CLSTN2: variants seen among roughly 807,000 people sequenced by gnomAD.
CLSTN2 encodes calsyntenin 2.
Under a neutral mutation model 101.2 loss-of-function variants are expected in CLSTN2, and 48 were observed. The observed-to-expected ratio is 0.47, with a 90% CI of 0.38 to 0.60. CLSTN2 has a LOEUF of 0.60. Among genes scored for constraint, CLSTN2 ranks in the 20% least tolerant of loss-of-function variants. The pLI is 0.00. For synonymous variants in CLSTN2, 481 were observed against 463.6 expected (o/e 1.04, Z -0.48); for missense variants, 1,160 against 1,238.2 (o/e 0.94, Z 0.95).
chr3:140,162,517 C>T lies in CLSTN2; in HGVS notation c.110-13434C>T, dbSNP rs550518403. Among the ~76,000 whole-genome samples the T allele has an allele frequency of 2.0e-4, 30 of 152,210 alleles. No individual in the cohort carries two copies. In the South Asian group the frequency reaches 6.0e-3, roughly 31 times the overall value. On this transcript the variant is annotated intron_variant, in intron 1 of 16. Coordinates refer to ENST00000458420, the MANE Select transcript of CLSTN2 (RefSeq NM_022131.3). ...TGAACTGAGCAGGCAGGAATGCAGACATGTGGATGCAAATAAAAGCAAATT... is the reference window on the plus strand; with the variant it reads ...TGAACTGAGCAGGCAGGAATGCAGATATGTGGATGCAAATAAAAGCAAATT...
At chr3:140,100,559 A>T (rs1393035775) in intron 1 of CLSTN2, among the ~76,000 whole-genome samples, 1 of 152,248 alleles carries the variant, frequency 6.6e-6, no homozygotes, top group Non-Finnish European at 1.5e-5. Flanking sequence ...TGACTTGGTG[A>T]TAGAAAAATG....
intron 1 of CLSTN2, among the ~76,000 whole-genome samples, chr3:139,993,102 A>T (rs1054160017): frequency 6.6e-6 from 1 of 152,042 alleles, no homozygotes; most frequent in Non-Finnish European, 1.5e-5. Context: ...GTGTGTGTGT[A>T]TGGGAGGGGG....
At chr3:140,463,491 GGTT>G (rs1435411409) in intron 7 of CLSTN2, among the ~76,000 whole-genome samples, 2 of 152,206 alleles carry the variant, frequency 1.3e-5, no homozygotes, top group African/African-American at 4.8e-5. Flanking sequence ...GAAGGATTGA[GGTT>G]GTTGTCTGTA....
intron 12 of CLSTN2, among the ~76,000 whole-genome samples, chr3:140,559,559 C>T (rs1301637040): frequency 4.3e-4 from 2 of 4,686 alleles, no homozygotes; most frequent in African/African-American, 4.5e-3. Flanking sequence ...TGGCGGGGGT[C>T]AGGGGGGCGG....
intron 1 of CLSTN2, among the ~76,000 whole-genome samples, chr3:139,983,216 C>T (rs892775143): frequency 2.0e-5 from 3 of 151,980 alleles, no homozygotes; most frequent in African/African-American, 7.2e-5. Context: ...TTTGATTATA[C>T]ATGTGTTGCT....
chr3:140,254,597 G>A (rs1216396716), intron 2 of CLSTN2, among the ~76,000 whole-genome samples: 1 of 152,132 alleles, frequency 6.6e-6, no homozygotes, highest in Admixed American at 6.6e-5. Context: ...ATTATCTACA[G>A]TTTACAGTGA....
At chr3:140,367,639 C>T (rs541741459) in intron 2 of CLSTN2, among the ~76,000 whole-genome samples, 24 of 151,656 alleles carry the variant, frequency 1.6e-4, no homozygotes, top group African/African-American at 5.3e-4. Context: ...GTGTTCATGT[C>T]TTGAATTATT....
At chr3:140,165,554 G>A (rs1467937663) in intron 1 of CLSTN2, among the ~76,000 whole-genome samples, 1 of 152,166 alleles carries the variant, frequency 6.6e-6, no homozygotes, top group Non-Finnish European at 1.5e-5. Context: ...GGGCAACCGG[G>A]GGAGGGGAGT....
intron 2 of CLSTN2, among the ~76,000 whole-genome samples, chr3:140,328,414 A>C (rs1321100798): frequency 1.3e-5 from 2 of 152,170 alleles, no homozygotes; most frequent in Non-Finnish European, 2.9e-5. Context: ...TGTCCACCTC[A>C]TTGAATTGTA....
At chr3:139,941,144 T>C (rs1935119201) in intron 1 of CLSTN2, among the ~76,000 whole-genome samples, 1 of 152,148 alleles carries the variant, frequency 6.6e-6, no homozygotes, top group African/African-American at 2.4e-5. Flanking sequence ...TTAGCTGTTA[T>C]CTAACCCATG....
At chr3:140,489,884 T>C (rs1011899023) in intron 8 of CLSTN2, among the ~76,000 whole-genome samples, 6 of 151,030 alleles carry the variant, frequency 4.0e-5, no homozygotes, top group Admixed American at 6.6e-5. Flanking sequence ...GAATCAAGTG[T>C]GCATTCTTTT....
intron 2 of CLSTN2, among the ~76,000 whole-genome samples, chr3:140,381,412 G>C (rs1459537229): frequency 6.6e-6 from 1 of 152,066 alleles, no homozygotes; most frequent in Non-Finnish European, 1.5e-5. Context: ...AGTTCCTAAG[G>C]CAGACTCCAC....
chr3:140,005,938 C>G (rs1328488051), intron 1 of CLSTN2, among the ~76,000 whole-genome samples: 2 of 152,200 alleles, frequency 1.3e-5, no homozygotes, highest in Non-Finnish European at 2.9e-5. Flanking sequence ...CCAACACTCT[C>G]TAATGTAGGC....
intron 1 of CLSTN2, among the ~76,000 whole-genome samples, chr3:140,055,491 T>C (rs965215156): frequency 6.6e-6 from 1 of 152,172 alleles, no homozygotes; most frequent in Non-Finnish European, 1.5e-5. Flanking sequence ...TCATTAGCTG[T>C]GAGACCAAGG....
At chr3:140,018,478 G>A (rs73226905) in intron 1 of CLSTN2, among the ~76,000 whole-genome samples, 33,812 of 152,124 alleles carry the variant, frequency 0.22, 4,024 homozygotes, top group Admixed American at 0.35. Flanking sequence ...TTCTAGGACT[G>A]CAGCCTGCTG....
Position 140,191,600 on chromosome 3 carries a change from A to G in CLSTN2, c.232+15527A>G, listed in dbSNP as rs145841058. Among the ~76,000 whole-genome samples, 47 of 151,952 alleles carry G rather than the reference A, an allele frequency of 3.1e-4. No homozygotes were observed. In the East Asian group the frequency reaches 8.7e-3, roughly 28 times the overall value. ...TAGTTACAGAGCTCTTCAATTCTCT[A>G]TTTTATATTGGATGGGTTGTAGTTT... On this transcript the variant is annotated intron_variant, in intron 2 of 16. Transcript: ENST00000458420.
chr3:140,372,880 G>A (rs2087874294), intron 2 of CLSTN2, among the ~76,000 whole-genome samples: 1 of 152,146 alleles, frequency 6.6e-6, no homozygotes, highest in Non-Finnish European at 1.5e-5. Context: ...GGAACTGGAT[G>A]ACATAGAGAA....
At chr3:140,523,458 G>A (rs1308886376) in intron 8 of CLSTN2, among the ~76,000 whole-genome samples, 6 of 152,086 alleles carry the variant, frequency 3.9e-5, no homozygotes, top group African/African-American at 1.2e-4. Flanking sequence ...TCTCTTTCCA[G>A]CTTTTTTATT....
chr3:140,290,813 T>C (rs941722680), intron 2 of CLSTN2, among the ~76,000 whole-genome samples: 1 of 152,156 alleles, frequency 6.6e-6, no homozygotes, highest in African/African-American at 2.4e-5. Context: ...TTTGTGAAAA[T>C]AGAAGCTACC....
Sources: gnomAD v4.1 joint callset for allele counts (sites outside exome capture counted in the v4.1 genomes callset) on GRCh38, gnomAD v4.1.1 for gene constraint, MANE v1.5 for transcripts, NCBI Gene and HGNC (gene_info 2026-07-23, HGNC 2026-07-21) for gene names.